CNTNAP2: variants seen among roughly 807,000 people sequenced by gnomAD.
CNTNAP2 encodes contactin-associated protein-like 2.
Under a neutral mutation model 155.2 loss-of-function variants are expected in CNTNAP2, and 98 were observed. That is an observed-to-expected ratio of 0.63 (90% confidence interval 0.54 to 0.75). The LOEUF (loss-of-function observed/expected upper bound fraction) is 0.75, where lower values mean the gene tolerates loss of function less well. Ranked by LOEUF, CNTNAP2 falls within the 30% of genes least tolerant of loss-of-function variation. The pLI is 0.00. For missense variants in CNTNAP2, 1,727 were observed against 1,688.1 expected (o/e 1.02, Z -0.40); for synonymous variants, 651 against 631.2 (o/e 1.03, Z -0.47).
At chr7:147,577,736 GA>G (rs991881335) in intron 12 of CNTNAP2, among the ~76,000 whole-genome samples, 1 of 150,956 alleles carries the variant, frequency 6.6e-6, no homozygotes, top group Non-Finnish European at 1.5e-5. Context: ...TGAGATCAGA[GA>G]AAAAAAATGA....
At chr7:146,975,317 A>G (rs528919993) in intron 3 of CNTNAP2, among the ~76,000 whole-genome samples, 331 of 151,976 alleles carry the variant, frequency 2.2e-3, no homozygotes, top group Non-Finnish European at 3.7e-3. Context: ...ATACAAAAAT[A>G]AGCTGGGCAT....
chr7:148,129,190 T>C (rs1563208796), intron 16 of CNTNAP2, among the ~76,000 whole-genome samples: 1 of 152,182 alleles, frequency 6.6e-6, no homozygotes, highest in Non-Finnish European at 1.5e-5. Context: ...AGAGATCTGG[T>C]GTCCTTAGAC....
chr7:146,928,484 G>T (rs1438899629), intron 3 of CNTNAP2, among the ~76,000 whole-genome samples: 2 of 152,168 alleles, frequency 1.3e-5, no homozygotes, highest in Non-Finnish European at 2.9e-5. Flanking sequence ...AACAGCTCCG[G>T]TCTACAGCTC....
intron 3 of CNTNAP2, among the ~76,000 whole-genome samples, chr7:146,891,672 A>T (rs1795780302): frequency 6.6e-6 from 1 of 152,184 alleles, no homozygotes; most frequent in Non-Finnish European, 1.5e-5. Flanking sequence ...ATCTTCTAAC[A>T]TGAACATAAC....
chr7:147,030,562 G>T (rs189064415), intron 3 of CNTNAP2, among the ~76,000 whole-genome samples: 1 of 152,102 alleles, frequency 6.6e-6, no homozygotes, highest in Non-Finnish European at 1.5e-5. Context: ...TAACGGTAAA[G>T]TTCTTTTTCC....
At chr7:147,315,041 C>T (rs1052798778) in intron 9 of CNTNAP2, among the ~76,000 whole-genome samples, 2 of 145,768 alleles carry the variant, frequency 1.4e-5, no homozygotes, top group African/African-American at 5.1e-5. Flanking sequence ...TGTGTGTTTG[C>T]TAAGATAATA....
intron 1 of CNTNAP2, among the ~76,000 whole-genome samples, chr7:146,761,774 C>T (rs1469739009): frequency 6.6e-6 from 1 of 151,930 alleles, no homozygotes; most frequent in Non-Finnish European, 1.5e-5. Context: ...TTATAGCTAA[C>T]TGGGTAATTT....
intron 1 of CNTNAP2, among the ~76,000 whole-genome samples, chr7:146,452,133 T>C (rs1172117083): frequency 6.6e-6 from 1 of 151,730 alleles, no homozygotes; most frequent in Non-Finnish European, 1.5e-5. Context: ...GGTCTTGATA[T>C]CTTGACCTCA....
chr7:146,119,804 T>G (rs1797536930), intron 1 of CNTNAP2, among the ~76,000 whole-genome samples: 1 of 152,110 alleles, frequency 6.6e-6, no homozygotes. Flanking sequence ...TTGGGAAATG[T>G]GTTTTGAATT....
intron 3 of CNTNAP2, among the ~76,000 whole-genome samples, chr7:147,006,154 A>G (rs1447666740): frequency 2.0e-5 from 3 of 152,054 alleles, no homozygotes; most frequent in Non-Finnish European, 4.4e-5. Flanking sequence ...CCAAAGGGGT[A>G]GTTAGAATAT....
At chr7:148,267,226 GC>G (rs1796689482) in intron 21 of CNTNAP2, 100 bp downstream of exon 21, 1 of 1,026,342 alleles carries the variant, frequency 9.7e-7, no homozygotes, top group Non-Finnish European at 1.5e-6. Context: ...TCTTACTGGG[GC>G]CAGTCACGAA....
chr7:147,507,770 G>A (rs1290567831), intron 11 of CNTNAP2, among the ~76,000 whole-genome samples: 1 of 151,756 alleles, frequency 6.6e-6, no homozygotes, highest in Non-Finnish European at 1.5e-5. Flanking sequence ...AGCCAGGATG[G>A]TTGATCTCCT....
chr7:147,334,089 C>T (rs1028334590), intron 9 of CNTNAP2, among the ~76,000 whole-genome samples: 13 of 152,172 alleles, frequency 8.5e-5, no homozygotes, highest in African/African-American at 3.1e-4. Context: ...AGTCCTACTC[C>T]CATCTTGACT....
At chr7:147,087,179 T>C (rs1032806878) in intron 4 of CNTNAP2, among the ~76,000 whole-genome samples, 1 of 152,208 alleles carries the variant, frequency 6.6e-6, no homozygotes, top group African/African-American at 2.4e-5. Flanking sequence ...TTTATTTCCC[T>C]TTGAGTTAAG....
intron 13 of CNTNAP2, among the ~76,000 whole-genome samples, chr7:147,869,246 A>T (rs1240714563): frequency 6.6e-6 from 1 of 152,228 alleles, no homozygotes; most frequent in Non-Finnish European, 1.5e-5. Flanking sequence ...TGCATTATCA[A>T]ATTGTTGCTG....
At chr7:147,456,123 T>G (rs1338058078) in intron 10 of CNTNAP2, among the ~76,000 whole-genome samples, 1 of 152,110 alleles carries the variant, frequency 6.6e-6, no homozygotes, top group African/African-American at 2.4e-5. Context: ...GCCATTTATA[T>G]CTCCATCAAA....
At chr7:146,597,168 C>T (rs1798874461) in intron 1 of CNTNAP2, among the ~76,000 whole-genome samples, 1 of 152,032 alleles carries the variant, frequency 6.6e-6, no homozygotes, top group Non-Finnish European at 1.5e-5. Flanking sequence ...CATTGATCAT[C>T]ACTGGTCTTT....
chr7:146,244,821 C>T (rs1223100614), intron 1 of CNTNAP2, among the ~76,000 whole-genome samples: 5 of 152,206 alleles, frequency 3.3e-5, no homozygotes, highest in Non-Finnish European at 7.4e-5. Context: ...AGGACTCTAC[C>T]TATCCAGTGA....
intron 10 of CNTNAP2, among the ~76,000 whole-genome samples, chr7:147,414,225 G>A (rs1797149399): frequency 6.6e-6 from 1 of 151,820 alleles, no homozygotes; most frequent in Non-Finnish European, 1.5e-5. Context: ...AGGAGTTCGA[G>A]ACCAGCTTGG....
Sources: gnomAD v4.1 joint callset for allele counts (sites outside exome capture counted in the v4.1 genomes callset) on GRCh38, gnomAD v4.1.1 for gene constraint, MANE v1.5 for transcripts, NCBI Gene and HGNC (gene_info 2026-07-23, HGNC 2026-07-21) for gene names.